FANCI: variants seen among roughly 807,000 people sequenced by gnomAD.
The protein encoded by FANCI is FA complementation group I.
In FANCI, 156 loss-of-function variants were observed where a neutral mutation model predicts 176.1. The observed-to-expected ratio is 0.89, with a 90% CI of 0.78 to 1.01. The LOEUF is 1.01. Ranked by LOEUF, FANCI falls within the 50% of genes least tolerant of loss-of-function variation. The probability of loss-of-function intolerance (pLI) is 0.00; values close to 1 mark genes in which losing one functional copy is unlikely to be tolerated. For missense variants in FANCI, 1,678 were observed against 1,534.1 expected (o/e 1.09, Z -1.57); for synonymous variants, 613 against 541.7 (o/e 1.13, Z -1.83).
rs1427299377 is a variant in FANCI, at chr15:89,258,808, T to C, written c.157+32T>C. On this transcript the variant is annotated intron_variant, in intron 3 of 37. Coordinates refer to ENST00000310775, the MANE Select transcript of FANCI (RefSeq NM_001113378.2). The stretch of plus-strand genomic sequence containing the variant: ...ATAATTAATGTCACTTCTGTCTGTC[T>C]CCTGCATTCATTGGTAGATTTGTTT... The C allele has an allele frequency of 2.0e-6, 3 of 1,465,774 alleles. No individual in the cohort carries two copies. In the African/African-American group the frequency reaches 4.2e-5, roughly 20 times the overall value. The allele number at this position is 1,465,774 out of a possible 1,614,324, so 90.8% of individuals were successfully genotyped here. A position where few individuals can be genotyped will look rare whatever the true frequency, so the allele number is the denominator to read the frequency against.
intron 2 of FANCI, among the ~76,000 whole-genome samples, chr15:89,248,317 T>C (rs1229343950): frequency 6.6e-6 from 1 of 152,222 alleles, no homozygotes; most frequent in Non-Finnish European, 1.5e-5. Flanking sequence ...GGTCCCTGCC[T>C]GGAAAAGAAT....
At chr15:89,293,581 G>A (rs181267797) in intron 22 of FANCI, among the ~76,000 whole-genome samples, 10 of 152,246 alleles carry the variant, frequency 6.6e-5, no homozygotes, top group Non-Finnish European at 1.5e-4. Context: ...CTAGCTACTC[G>A]GGAGGCTGAG....
chr15:89,274,982 T>C (rs561891046), intron 12 of FANCI, among the ~76,000 whole-genome samples: 1 of 151,982 alleles, frequency 6.6e-6, no homozygotes, highest in Admixed American at 6.6e-5. Context: ...CAGGCTCTAT[T>C]ATAGCACGGT....
intron 22 of FANCI, among the ~76,000 whole-genome samples, 190 bp downstream of exon 22, chr15:89,293,253 C>T (rs181791296): frequency 2.4e-4 from 37 of 152,240 alleles, no homozygotes; most frequent in African/African-American, 6.7e-4. Context: ...CTTACCAGGC[C>T]TATAAAATGA....
intron 18 of FANCI, among the ~76,000 whole-genome samples, chr15:89,288,032 T>C (rs1303131886): frequency 1.3e-5 from 2 of 152,034 alleles, no homozygotes; most frequent in Non-Finnish European, 2.9e-5. Context: ...TTTGGAAAAA[T>C]GGTACTGAGA....
At chr15:89,305,571 G>A (rs764019307) in intron 30 of FANCI, 34 bp from the exon 31 acceptor site, 1 of 1,609,980 alleles carries the variant, frequency 6.2e-7, no homozygotes, top group South Asian at 1.1e-5. Context: ...ACAGCTGTGT[G>A]TAGTGAATCA....
At chr15:89,266,759 T>C (rs1596254488) in intron 9 of FANCI, among the ~76,000 whole-genome samples, 1 of 152,272 alleles carries the variant, frequency 6.6e-6, no homozygotes, top group African/African-American at 2.4e-5. Flanking sequence ...AGGAGCAAGC[T>C]GCCACACCCA....
At chr15:89,266,485 C>T (rs973004381) in intron 9 of FANCI, among the ~76,000 whole-genome samples, 3 of 151,874 alleles carry the variant, frequency 2.0e-5, no homozygotes, top group Admixed American at 6.6e-5. Flanking sequence ...CGTGCCACCA[C>T]GCCCGGCTAC....
In FANCI at chr15:89,261,755, G is replaced by C. The variant is rs762378388; in HGVS notation, c.445+14G>C. The stretch of plus-strand genomic sequence containing the variant: ...CTTATGGAAAAGGTAATTTTCTTCC[G>C]ACTTTAGTGGCTTTTTCTCTATGCA... On this transcript the variant is annotated intron_variant, in intron 5 of 37. Transcript: ENST00000310775. The C allele has an allele frequency of 1.9e-6, 3 of 1,614,064 alleles. No homozygotes were observed. The highest frequency in any genetic ancestry group is 2.5e-6 in the Non-Finnish European group (3 of 1,180,012).
At position 89,247,669 on chromosome 15, in the gene FANCI, C is replaced by T; in HGVS notation, c.22C>T (p.Leu8=). The T allele has an allele frequency of 6.2e-7, 1 of 1,613,988 alleles. No homozygotes were observed. Among genetic ancestry groups the T allele is most frequent in the African/African-American group, 1.3e-5 (1 of 75,032 alleles). ...AACAATGGACCAGAAGATTTTATCTCTAGCAGCAGAAAAAACAGCAGACAA... is the reference window on the plus strand; with the variant it reads ...AACAATGGACCAGAAGATTTTATCTTTAGCAGCAGAAAAAACAGCAGACAA... MDQKILS[L]AAEKTADKLQ... Residue 8 remains leucine, a synonymous_variant, in exon 2 of 38, where the codon CTA becomes TTA. Transcript: ENST00000310775.
intron 12 of FANCI, among the ~76,000 whole-genome samples, chr15:89,276,275 C>A (rs935038798): frequency 6.6e-6 from 1 of 152,142 alleles, no homozygotes; most frequent in Admixed American, 6.5e-5. Context: ...TTATATGCCA[C>A]CCTTGTGCTA....
chr15:89,257,256 A>C (rs909567079), intron 2 of FANCI, among the ~76,000 whole-genome samples: 6 of 152,104 alleles, frequency 3.9e-5, no homozygotes, highest in African/African-American at 1.2e-4. Context: ...AAACTAAGGA[A>C]TTTCTATTCT....
intron 12 of FANCI, 22 bp downstream of exon 12, chr15:89,274,326 C>G: frequency 1.9e-6 from 3 of 1,612,318 alleles, no homozygotes; most frequent in Non-Finnish European, 2.5e-6. Flanking sequence ...AACCATATCT[C>G]AAAAGGTTTA....
Position 89,316,548 on chromosome 15 carries a change from C to T in FANCI, c.*89C>T, listed in dbSNP as rs554513283. On this transcript the variant is annotated 3_prime_UTR_variant, in exon 38 of 38. Coordinates refer to ENST00000310775, the MANE Select transcript of FANCI (RefSeq NM_001113378.2). Reference sequence around the variant, plus strand: ...ATGCCCCTTGTCCTGTAGTCCACACCGATGTTGGCATCTTGGTTCTGAACC... The same window carrying T: ...ATGCCCCTTGTCCTGTAGTCCACACTGATGTTGGCATCTTGGTTCTGAACC... 56 of 1,356,538 alleles carry T rather than the reference C, an allele frequency of 4.1e-5. No individual in the cohort carries two copies. The highest frequency in any genetic ancestry group is 1.5e-4 in the East Asian group (6 of 40,450). The allele number at this position is 1,356,538 out of a possible 1,614,324, so 84.0% of individuals were successfully genotyped here. A position where few individuals can be genotyped will look rare whatever the true frequency, so the allele number is the denominator to read the frequency against.
intron 4 of FANCI, 33 bp downstream of exon 4, chr15:89,260,876 G>T (rs1277765513): frequency 1.9e-6 from 3 of 1,611,530 alleles, no homozygotes; most frequent in Admixed American, 3.3e-5. Flanking sequence ...TTATTTGGGG[G>T]TAGGTTTTTG....
At chr15:89,314,182 A>ACACACACAAAAACGTAGGAC in intron 35 of FANCI, among the ~76,000 whole-genome samples, 1 of 149,478 alleles carries the variant, frequency 6.7e-6, no homozygotes, top group Non-Finnish European at 1.5e-5. Context: ...GGGGAAAGAC[A>ACACACACAAAAACGTAGGAC]CACACACACA....
At chr15:89,248,219 C>T (rs560282217) in intron 2 of FANCI, among the ~76,000 whole-genome samples, 1 of 152,230 alleles carries the variant, frequency 6.6e-6, no homozygotes, top group East Asian at 1.9e-4. Flanking sequence ...ATAGTAATTG[C>T]CTTATATGTT....
chr15:89,264,798 C>T (rs2052869460), intron 9 of FANCI, 191 bp downstream of exon 9: 1 of 534,632 alleles, frequency 1.9e-6, no homozygotes, highest in Non-Finnish European at 3.4e-6. Context: ...TTTCACCTTT[C>T]CAGGAAAATA....
chr15:89,247,137 C>G (rs1317974699), intron 1 of FANCI, among the ~76,000 whole-genome samples: 2 of 149,794 alleles, frequency 1.3e-5, no homozygotes, highest in African/African-American at 4.9e-5. Flanking sequence ...GTGGCATGAT[C>G]ATAGCTCACT....
Sources: gnomAD v4.1 joint callset for allele counts (sites outside exome capture counted in the v4.1 genomes callset) on GRCh38, gnomAD v4.1.1 for gene constraint, MANE v1.5 for transcripts, NCBI Gene and HGNC (gene_info 2026-07-23, HGNC 2026-07-21) for gene names.